RFX3: variants seen among roughly 807,000 people sequenced by gnomAD.
The protein encoded by RFX3 is regulatory factor X3.
A neutral mutation model predicts 98.6 loss-of-function variants in RFX3; 14 were observed. The ratio of observed to expected loss-of-function variants is 0.14; its 90% CI spans 0.09 to 0.22. The LOEUF (loss-of-function observed/expected upper bound fraction) is 0.22. Among genes scored for constraint, RFX3 ranks in the 10% least tolerant of loss-of-function variants. The pLI is 1.00. For synonymous variants in RFX3, 383 were observed against 328.4 expected (o/e 1.17, Z -1.80); for missense variants, 639 against 926.9 (o/e 0.69, Z 4.03).
At chr9:3,436,546 G>A (rs1164659699) in intron 1 of RFX3, among the ~76,000 whole-genome samples, 2 of 152,018 alleles carry the variant, frequency 1.3e-5, no homozygotes, top group African/African-American at 4.8e-5. Context: ...AAATACTTCA[G>A]TAATTCCTCC....
rs141380404 is a variant in RFX3, at chr9:3,293,159, G to A, written c.649C>T (p.Leu217=). 2 of 1,613,672 alleles carry A rather than the reference G, an allele frequency of 1.2e-6. No individual in the cohort carries two copies. The highest frequency in any genetic ancestry group is 1.7e-5 in the Admixed American group (1 of 59,984). Residue 217 remains leucine (L), a synonymous_variant, in exon 6 of 17, where the codon CTG becomes TTG. Transcript: ENST00000617270. ...HYLRHCQEHK[L]DPVNAASFGK... ...AAAGAGGCAGCATTGACTGGGTCCA[G>A]TTTGTGTTCCTGACAGTGTCGAAGG...
intron 3 of RFX3, among the ~76,000 whole-genome samples, chr9:3,341,293 T>C (rs144355654): frequency 0.022 from 3,350 of 151,690 alleles, 126 homozygotes; most frequent in African/African-American, 0.077. Context: ...TTAGGAGATA[T>C]ACCTAATGCT....
At chr9:3,262,881 G>T in intron 13 of RFX3, 54 bp downstream of exon 13, 1 of 1,552,098 alleles carries the variant, frequency 6.4e-7, no homozygotes, top group South Asian at 1.1e-5. Flanking sequence ...CAATTAAGAA[G>T]AACAAATTGG....
intron 2 of RFX3, among the ~76,000 whole-genome samples, chr9:3,375,705 A>G (rs1028305425): frequency 6.6e-6 from 1 of 152,232 alleles, no homozygotes; most frequent in African/African-American, 2.4e-5. Context: ...TCACACCTGT[A>G]ATCCCAGCAC....
intron 4 of RFX3, among the ~76,000 whole-genome samples, chr9:3,320,159 G>A (rs1445170690): frequency 6.6e-6 from 1 of 152,136 alleles, no homozygotes; most frequent in Non-Finnish European, 1.5e-5. Context: ...TTAAGAGCTT[G>A]TCCAAAATTT....
chr9:3,289,520 G>A (rs1272042488), intron 6 of RFX3, among the ~76,000 whole-genome samples: 1 of 152,046 alleles, frequency 6.6e-6, no homozygotes, highest in Non-Finnish European at 1.5e-5. Context: ...TGTACAAGCT[G>A]GAGGACAGTA....
intron 1 of RFX3, among the ~76,000 whole-genome samples, chr9:3,438,971 T>C (rs527449084): frequency 6.6e-6 from 1 of 152,110 alleles, no homozygotes; most frequent in South Asian, 2.1e-4. Context: ...TATAACAGTA[T>C]GTTATCTGCT....
chr9:3,521,798 A>G (rs1272612215), intron 1 of RFX3, among the ~76,000 whole-genome samples: 1 of 152,186 alleles, frequency 6.6e-6, no homozygotes, highest in Non-Finnish European at 1.5e-5. Flanking sequence ...TCAGTAAAGG[A>G]TGACAAAAGT....
At chr9:3,513,754 C>T (rs1273655213) in intron 1 of RFX3, among the ~76,000 whole-genome samples, 1 of 152,102 alleles carries the variant, frequency 6.6e-6, no homozygotes, top group African/African-American at 2.4e-5. Flanking sequence ...CTATCAACCC[C>T]CAAAAATGCT....
At chr9:3,489,193 T>C (rs1850528764) in intron 1 of RFX3, among the ~76,000 whole-genome samples, 1 of 152,176 alleles carries the variant, frequency 6.6e-6, no homozygotes, top group Non-Finnish European at 1.5e-5. Flanking sequence ...TGTTTGATCA[T>C]CCTCAATGGG....
intron 1 of RFX3, chr9:3,488,775 C>G (rs1021344314): frequency 3.0e-6 from 3 of 985,008 alleles, no homozygotes; most frequent in African/African-American, 1.7e-5. Flanking sequence ...AGAGGACTTA[C>G]GCAGAACCAC....
chr9:3,521,145 T>C (rs143248636), intron 1 of RFX3, among the ~76,000 whole-genome samples: 1 of 152,332 alleles, frequency 6.6e-6, no homozygotes, highest in Admixed American at 6.5e-5. Flanking sequence ...GTGCTAATCA[T>C]ATGAAATTTA....
intron 2 of RFX3, among the ~76,000 whole-genome samples, chr9:3,393,047 G>C (rs1840474977): frequency 7.1e-6 from 1 of 140,912 alleles, no homozygotes; most frequent in Non-Finnish European, 1.6e-5. Flanking sequence ...GGGACAGGAA[G>C]GGTGGGTGGG....
intron 14 of RFX3, among the ~76,000 whole-genome samples, chr9:3,251,162 T>C (rs915848289): frequency 3.3e-5 from 5 of 152,126 alleles, no homozygotes; most frequent in Non-Finnish European, 7.4e-5. Context: ...TTTCTGAAGA[T>C]ATTTAATGGC....
rs148919186 is a variant in RFX3, at chr9:3,486,067, G to A, written c.-9+39680C>T. 8.5e-3 allele frequency among the ~76,000 whole-genome samples: 1,207 copies of A among 141,720 alleles called. 9 individuals carry two copies. The highest frequency in any genetic ancestry group is 0.013 in the Non-Finnish European group (835 of 66,366). 93.0% of individuals were successfully genotyped at this position (141,720 alleles called of 152,430 possible). ...TTGAACCCAGGAGGCGGAGGTTGCA[G>A]TGAGCCGAGATCATCCCATTGCACT... On this transcript the variant is annotated intron_variant, in intron 1 of 16. Transcript: ENST00000617270.
At chr9:3,405,581 G>T (rs1404699797) in intron 1 of RFX3, among the ~76,000 whole-genome samples, 1 of 152,050 alleles carries the variant, frequency 6.6e-6, no homozygotes, top group Admixed American at 6.6e-5. Context: ...TTCTACTGAC[G>T]GCATAAGATA....
At chr9:3,478,284 T>C (rs748625591) in intron 1 of RFX3, among the ~76,000 whole-genome samples, 6 of 152,258 alleles carry the variant, frequency 3.9e-5, no homozygotes, top group Admixed American at 1.3e-4. Flanking sequence ...TCCACATTAT[T>C]CCCCTAAATT....
intron 15 of RFX3, among the ~76,000 whole-genome samples, chr9:3,237,064 C>T (rs971731386): frequency 6.6e-6 from 1 of 152,108 alleles, no homozygotes; most frequent in Admixed American, 6.5e-5. Context: ...ATACATTATC[C>T]TTTCTCTCCA....
intron 1 of RFX3, among the ~76,000 whole-genome samples, chr9:3,423,289 T>C (rs1217830306): frequency 6.6e-6 from 1 of 152,170 alleles, no homozygotes; most frequent in East Asian, 1.9e-4. Flanking sequence ...CACTCCTAAG[T>C]ATTGATCTAA....
Sources: gnomAD v4.1 joint callset for allele counts (sites outside exome capture counted in the v4.1 genomes callset) on GRCh38, gnomAD v4.1.1 for gene constraint, MANE v1.5 for transcripts, NCBI Gene and HGNC (gene_info 2026-07-23, HGNC 2026-07-21) for gene names.